The following TCERG1L variants were observed in gnomAD, a reference collection of about 807,000 sequenced individuals.
TCERG1L encodes the protein transcription elongation regulator 1 like.
TCERG1L carries 37 observed loss-of-function variants against 56.3 expected under a neutral mutation model. The ratio of observed to expected loss-of-function variants is 0.66; its 90% CI spans 0.51 to 0.87. TCERG1L has a LOEUF of 0.87. TCERG1L is among the 40% of genes least tolerant of loss of function. TCERG1L has a pLI of 0.00. For synonymous variants in TCERG1L, 324 were observed against 326.3 expected (o/e 0.99, Z 0.08); for missense variants, 799 against 774.2 (o/e 1.03, Z -0.38).
chr10:131,308,269 C>A lies in TCERG1L; in HGVS notation c.612G>T (p.Arg204Ser). Reference protein sequence around the residue: ...LANQVAVSLSRPAPASRPLPT... With the variant: ...LANQVAVSLSSPAPASRPLPT... ...GGAGCGGCCTGGAGGCAGGAGCCGG[C>A]CTGGACAGAGACACAGCTACTTGAT... The change falls in exon 3 of 12, where the codon AGG becomes AGT. Residue 204 changes from arginine to serine, a missense_variant. Transcript: ENST00000368642. 1 of 1,613,954 alleles carries A rather than the reference C, an allele frequency of 6.2e-7. No individual in the cohort carries two copies. The highest frequency in any genetic ancestry group is 8.5e-7 in the Non-Finnish European group (1 of 1,179,882).
intron 4 of TCERG1L, among the ~76,000 whole-genome samples, chr10:131,208,404 G>A (rs751958568): frequency 5.9e-5 from 9 of 152,178 alleles, no homozygotes; most frequent in South Asian, 2.1e-4. Context: ...CACAGAGCTC[G>A]ACAGAGATGC....
chr10:131,311,177 G>C lies in TCERG1L; in HGVS notation c.342+117C>G. 1.2e-6 allele frequency: 1 copy of C among 835,556 alleles called. No homozygotes were observed. Among genetic ancestry groups the C allele is most frequent in the Non-Finnish European group, 1.5e-6 (1 of 646,758 alleles). The allele number at this position is 835,556 out of a possible 1,614,324, so 51.8% of individuals were successfully genotyped here. A position where few individuals can be genotyped will look rare whatever the true frequency, so the allele number is the denominator to read the frequency against. ...GGCTCCGTCCTGAGGGTTTGGGGCG[G>C]CGAGGACCGCCGGGGAGGAGGGCGC... On this transcript the variant is annotated intron_variant, in intron 1 of 11. Coordinates refer to ENST00000368642, the MANE Select transcript of TCERG1L (RefSeq NM_174937.4). The surrounding 1 kb of genome is among the most constrained non-coding windows in gnomAD (Gnocchi z 4.0).
At chr10:131,300,337 T>G (rs556912510) in intron 3 of TCERG1L, among the ~76,000 whole-genome samples, 1 of 152,304 alleles carries the variant, frequency 6.6e-6, no homozygotes, top group East Asian at 1.9e-4. Context: ...TTCTACGTAT[T>G]CTCTCCTTGC....
intron 4 of TCERG1L, among the ~76,000 whole-genome samples, chr10:131,206,669 G>A (rs1292739743): frequency 6.6e-6 from 1 of 152,190 alleles, no homozygotes; most frequent in Non-Finnish European, 1.5e-5. Flanking sequence ...AGAGCATCGT[G>A]AGGGGTGCAG....
At chr10:131,136,851 G>A (rs1196948541) in intron 7 of TCERG1L, among the ~76,000 whole-genome samples, 1 of 151,794 alleles carries the variant, frequency 6.6e-6, no homozygotes, top group East Asian at 2.0e-4. Context: ...CATTCAAACT[G>A]AGGGCACTGG....
At chr10:131,246,927 G>A (rs758793914) in intron 4 of TCERG1L, among the ~76,000 whole-genome samples, 7 of 152,110 alleles carry the variant, frequency 4.6e-5, no homozygotes, top group African/African-American at 1.2e-4. Context: ...CGACGCCGGC[G>A]CTGCGGCACA....
intron 4 of TCERG1L, among the ~76,000 whole-genome samples, chr10:131,257,981 G>C (rs531564228): frequency 6.6e-6 from 1 of 152,324 alleles, no homozygotes; most frequent in East Asian, 1.9e-4. Context: ...AAATCAGTTT[G>C]AATATAGAGC....
chr10:131,201,623 A>C (rs753957299), intron 4 of TCERG1L, among the ~76,000 whole-genome samples: 1 of 152,220 alleles, frequency 6.6e-6, no homozygotes, highest in Non-Finnish European at 1.5e-5. Context: ...AAATAAAATA[A>C]ATCAATGGCT....
intron 5 of TCERG1L, chr10:131,164,152 G>GAAAAAA (rs199861042): frequency 1.5e-5 from 2 of 132,288 alleles, no homozygotes; most frequent in Non-Finnish European, 3.3e-5. Flanking sequence ...AAAGAAAAAA[G>GAAAAAA]AAAAAAAAAA....
intron 6 of TCERG1L, chr10:131,161,722 C>A (rs1456550099): frequency 6.6e-6 from 1 of 152,246 alleles, no homozygotes; most frequent in African/African-American, 2.4e-5. Context: ...CGCTGCCCAA[C>A]CCTCTGAGTC....
chr10:131,282,463 C>T (rs1170214430), intron 3 of TCERG1L, among the ~76,000 whole-genome samples: 3 of 149,460 alleles, frequency 2.0e-5, no homozygotes, highest in Admixed American at 2.0e-4. Context: ...CAGAAACCAG[C>T]GAAAGTAACC....
At chr10:131,253,709 C>T (rs938921643) in intron 4 of TCERG1L, among the ~76,000 whole-genome samples, 1 of 152,158 alleles carries the variant, frequency 6.6e-6, no homozygotes, top group African/African-American at 2.4e-5. Context: ...ACACAGAGAA[C>T]TGTCGACCAA....
At chr10:131,234,686 G>A (rs1027959946) in intron 4 of TCERG1L, among the ~76,000 whole-genome samples, 2 of 134,542 alleles carry the variant, frequency 1.5e-5, no homozygotes, top group South Asian at 2.4e-4. Flanking sequence ...TTTTGTTGTC[G>A]TTGTTTGTTT....
At chr10:131,145,158 C>A (rs1845782577) in intron 7 of TCERG1L, among the ~76,000 whole-genome samples, 1 of 152,198 alleles carries the variant, frequency 6.6e-6, no homozygotes, top group African/African-American at 2.4e-5. Context: ...CAAATAAAAT[C>A]ATTGTTAGGA....
intron 9 of TCERG1L, among the ~76,000 whole-genome samples, chr10:131,115,367 C>A (rs1186199922): frequency 6.6e-6 from 1 of 152,232 alleles, no homozygotes; most frequent in Non-Finnish European, 1.5e-5. Flanking sequence ...AGGAGGAGGG[C>A]AGGAAGCCCC....
At chr10:131,108,916 C>A (rs1432527784) in intron 9 of TCERG1L, among the ~76,000 whole-genome samples, 4 of 152,216 alleles carry the variant, frequency 2.6e-5, no homozygotes, top group Non-Finnish European at 4.4e-5. Flanking sequence ...TGCCCCAGGG[C>A]CCCCACAGTG....
At chr10:131,236,515 T>C (rs1211572157) in intron 4 of TCERG1L, among the ~76,000 whole-genome samples, 1 of 152,204 alleles carries the variant, frequency 6.6e-6, no homozygotes, top group Non-Finnish European at 1.5e-5. Context: ...AGAACTGTCT[T>C]TGAAGGTGAA....
intron 4 of TCERG1L, among the ~76,000 whole-genome samples, chr10:131,197,960 C>T (rs1845384890): frequency 1.3e-5 from 2 of 152,220 alleles, no homozygotes; most frequent in South Asian, 4.1e-4. Context: ...TCTCTGCATA[C>T]AAAACAATTT....
intron 10 of TCERG1L, among the ~76,000 whole-genome samples, chr10:131,098,697 C>A (rs1845274172): frequency 6.6e-6 from 1 of 152,204 alleles, no homozygotes; most frequent in East Asian, 1.9e-4. Flanking sequence ...GCTGGAGAAA[C>A]CCGGAGAATG....
Sources: allele counts gnomAD v4.1 joint callset (sites outside exome capture counted in the v4.1 genomes callset), GRCh38; gene constraint gnomAD v4.1.1; non-coding constraint Gnocchi (gnomAD v3.1); transcripts MANE v1.5; gene names NCBI Gene and HGNC (gene_info 2026-07-23, HGNC 2026-07-21).